ADGRG7: variants seen among roughly 807,000 people sequenced by gnomAD.
ADGRG7 encodes G-protein coupled receptor 128.
In ADGRG7, 82 loss-of-function variants were observed where a neutral mutation model predicts 88.6. The observed-to-expected ratio is 0.93, with a 90% CI of 0.77 to 1.11. ADGRG7 has a LOEUF of 1.11. ADGRG7 is among the 50% of genes most tolerant of loss of function. ADGRG7 has a pLI of 0.00. For synonymous variants in ADGRG7, 381 were observed against 345.2 expected, an observed-to-expected ratio of 1.10 and a Z score of -1.15; for missense variants, 945 against 953.4, an observed-to-expected ratio of 0.99 and a Z score of 0.12.
At chr3:100,613,998 T>C (rs1438922192) in intron 1 of ADGRG7, among the ~76,000 whole-genome samples, 1 of 152,198 alleles carries the variant, frequency 6.6e-6, no homozygotes, top group Non-Finnish European at 1.5e-5. Context: ...CTGCTTATTA[T>C]GTGCATAGTA....
intron 4 of ADGRG7, among the ~76,000 whole-genome samples, chr3:100,633,970 T>C (rs1707494030): frequency 6.6e-6 from 1 of 152,188 alleles, no homozygotes; most frequent in Non-Finnish European, 1.5e-5. Context: ...TCCCTGACAT[T>C]TGAGACCAAA....
chr3:100,622,264 A>ATTTTTTTTT (rs57699713), intron 1 of ADGRG7, among the ~76,000 whole-genome samples: 58 of 130,888 alleles, frequency 4.4e-4, no homozygotes, highest in East Asian at 3.4e-3. Context: ...CTCTATATTC[A>ATTTTTTTTT]TTTTTTTTTT....
intron 15 of ADGRG7, among the ~76,000 whole-genome samples, chr3:100,669,938 T>G (rs758570187): frequency 6.6e-6 from 1 of 152,028 alleles, no homozygotes; most frequent in African/African-American, 2.4e-5. Context: ...CTTGGGAGGC[T>G]GAGGCAGGGG....
In ADGRG7 at chr3:100,655,188, G is replaced by A; in HGVS notation, c.1726+7G>A. The stretch of plus-strand genomic sequence containing the variant: ...ATCTCATTAATTGGATGGGGTAAGT[G>A]TTTGCATCTCCCCTTTCTCAGGAAT... On this transcript the variant is annotated splice_region_variant and intron_variant, in intron 12 of 15. Coordinates refer to ENST00000273352, the MANE Select transcript of ADGRG7 (RefSeq NM_032787.3). 2 of 1,556,404 alleles carry A rather than the reference G, an allele frequency of 1.3e-6. No individual in the cohort carries two copies. The highest frequency in any genetic ancestry group is 2.7e-5 in the African/African-American group (2 of 73,344).
Position 100,646,588 on chromosome 3 carries a change from A to G in ADGRG7, c.1130A>G (p.Gln377Arg), listed in dbSNP as rs2149026349. 6.2e-7 allele frequency: 1 copy of G among 1,613,234 alleles called. No homozygotes were observed. The highest frequency in any genetic ancestry group is 2.2e-5 in the East Asian group (1 of 44,880). ...FSPKYNQKEF[Q>R]LYSYACVYWN... is the part of the protein sequence containing the mutation. Reference sequence around the variant, plus strand: ...TCATAGTACAACCAAAAAGAATTTCAACTCTATTCCTATGCCTGTGTCTAT... The same window carrying G: ...TCATAGTACAACCAAAAAGAATTTCGACTCTATTCCTATGCCTGTGTCTAT... Residue 377 changes from glutamine (Q) to arginine (R), a missense_variant, in exon 10 of 16, where the codon CAA (glutamine) becomes CGA (arginine). Coordinates refer to ENST00000273352, the MANE Select transcript of ADGRG7 (RefSeq NM_032787.3).
At position 100,693,320 on chromosome 3, in the gene ADGRG7, A is replaced by C. The variant is rs74543494; in HGVS notation, c.2137-1424A>C. Among the ~76,000 whole-genome samples, 25 of 152,290 alleles carry C rather than the reference A, an allele frequency of 1.6e-4. 2 individuals are homozygous for C. In the East Asian group the frequency reaches 4.8e-3, roughly 29 times the overall value. On this transcript the variant is annotated intron_variant, in intron 15 of 15. Transcript: ENST00000273352. ...GAGACTGGATTTCTCATGTGCCCCA[A>C]ATAAATTTCTCTCCCTTGAACAATC...
intron 1 of ADGRG7, among the ~76,000 whole-genome samples, chr3:100,617,969 A>T (rs754281154): frequency 1.3e-4 from 20 of 152,184 alleles, no homozygotes; most frequent in Non-Finnish European, 2.6e-4. Context: ...ATGACCAGTG[A>T]TGATGAGCAT....
intron 15 of ADGRG7, among the ~76,000 whole-genome samples, chr3:100,671,426 A>C (rs2094958318): frequency 6.6e-6 from 1 of 152,106 alleles, no homozygotes. Context: ...AAATTTGTTT[A>C]AGTTCTTTGT....
chr3:100,669,597 G>A (rs114159898), intron 15 of ADGRG7, among the ~76,000 whole-genome samples: 2,121 of 148,894 alleles, frequency 0.014, 22 homozygotes, highest in Non-Finnish European at 0.022. Context: ...TATATTTATG[G>A]AGTACAAGAG....
At chr3:100,673,387 G>C (rs1325416402) in intron 15 of ADGRG7, among the ~76,000 whole-genome samples, 2 of 151,136 alleles carry the variant, frequency 1.3e-5, no homozygotes, top group Admixed American at 1.3e-4. Context: ...ATGGTAGTTT[G>C]TATGTTTGTG....
At chr3:100,687,858 C>A (rs2094985746) in intron 15 of ADGRG7, among the ~76,000 whole-genome samples, 1 of 152,080 alleles carries the variant, frequency 6.6e-6, no homozygotes, top group Non-Finnish European at 1.5e-5. Flanking sequence ...TGTGTCTCTG[C>A]CAGGCTTTGG....
intron 10 of ADGRG7, among the ~76,000 whole-genome samples, chr3:100,646,958 G>A (rs1707761598): frequency 6.6e-6 from 1 of 152,174 alleles, no homozygotes; most frequent in African/African-American, 2.4e-5. Flanking sequence ...AGGAGTTCGA[G>A]ACCAGCCTGA....
At chr3:100,663,912 T>C (rs1189104523) in intron 14 of ADGRG7, among the ~76,000 whole-genome samples, 1 of 152,062 alleles carries the variant, frequency 6.6e-6, no homozygotes, top group East Asian at 1.9e-4. Flanking sequence ...AAGCATCCAG[T>C]TCAGAATATC....
At chr3:100,679,761 C>G (rs1447654204) in intron 15 of ADGRG7, among the ~76,000 whole-genome samples, 1 of 152,098 alleles carries the variant, frequency 6.6e-6, no homozygotes. Context: ...ATCTTCTTTC[C>G]TTTTCTCCTA....
At chr3:100,688,341 T>G (rs1054042274) in intron 15 of ADGRG7, among the ~76,000 whole-genome samples, 12 of 152,330 alleles carry the variant, frequency 7.9e-5, no homozygotes, top group Non-Finnish European at 1.5e-4. Context: ...CTGGATTCAT[T>G]GATTTTTTGA....
In ADGRG7 at chr3:100,654,775, T is replaced by G. The variant is rs147048343; in HGVS notation, c.1380-60T>G. The stretch of plus-strand genomic sequence containing the variant: ...TTGTTCCCAGAAATTTCACTGCAGT[T>G]TGTTTTGTGCAGTTGTTGTGTTTCA... On this transcript the variant is annotated intron_variant, in intron 11 of 15. Transcript: ENST00000273352. 4.6e-3 allele frequency: 4,774 copies of G among 1,041,606 alleles called. 20 individuals are homozygous for G. Among genetic ancestry groups the G allele is most frequent in the Non-Finnish European group, 5.3e-3 (3,817 of 726,150 alleles). The allele number at this position is 1,041,606 out of a possible 1,614,324, so 64.5% of individuals were successfully genotyped here.
At chr3:100,677,848 T>C (rs1278271084) in intron 15 of ADGRG7, among the ~76,000 whole-genome samples, 1 of 152,164 alleles carries the variant, frequency 6.6e-6, no homozygotes, top group African/African-American at 2.4e-5. Flanking sequence ...GCTTTTAGGA[T>C]CCTTTCTTTA....
chr3:100,665,023 A>C, intron 14 of ADGRG7: 1 of 459,824 alleles, frequency 2.2e-6, no homozygotes, highest in Non-Finnish European at 4.5e-6. Context: ...GCAATACATA[A>C]ATACTTTAGA....
intron 14 of ADGRG7, among the ~76,000 whole-genome samples, chr3:100,667,017 C>T (rs1366362700): frequency 6.6e-6 from 1 of 152,086 alleles, no homozygotes; most frequent in Non-Finnish European, 1.5e-5. Flanking sequence ...TTTCTTAGTA[C>T]AGAGCAAAAT....
Sources: gnomAD v4.1 joint callset for allele counts (sites outside exome capture counted in the v4.1 genomes callset) on GRCh38, gnomAD v4.1.1 for gene constraint, MANE v1.5 for transcripts, NCBI Gene and HGNC (gene_info 2026-07-23, HGNC 2026-07-21) for gene names.